Variants in CDK14 observed in about 807,000 individuals in gnomAD.
CDK14 encodes cyclin-dependent kinase 14.
Under a neutral mutation model 60.7 loss-of-function variants are expected in CDK14, and 34 were observed. The observed-to-expected ratio is 0.56, with a 90% CI of 0.43 to 0.75. CDK14 has a LOEUF of 0.75. Ranked by LOEUF, CDK14 falls within the 30% of genes least tolerant of loss-of-function variation. The pLI is 0.00. For missense variants in CDK14, 482 were observed against 564.1 expected, an observed-to-expected ratio of 0.85 and a Z score of 1.47; for synonymous variants, 197 against 203.7, an observed-to-expected ratio of 0.97 and a Z score of 0.28.
intron 2 of CDK14, among the ~76,000 whole-genome samples, chr7:90,635,658 C>G (rs17868526): frequency 0.31 from 46,664 of 151,462 alleles, 8,079 homozygotes; most frequent in East Asian, 0.67. Flanking sequence ...TAGTTTTTTC[C>G]AATTCTGTGA....
intron 10 of CDK14, among the ~76,000 whole-genome samples, chr7:91,008,142 A>C (rs12704585): frequency 0.088 from 12,443 of 141,358 alleles, 1,175 homozygotes; most frequent in Non-Finnish European, 0.12. Context: ...AAAAAAAAAA[A>C]AAACAAACAA....
chr7:90,745,030 A>G (rs762402876), intron 3 of CDK14, among the ~76,000 whole-genome samples: 35 of 151,920 alleles, frequency 2.3e-4, no homozygotes, highest in Non-Finnish European at 4.0e-4. Flanking sequence ...CCTCTCCCCA[A>G]TTTGTTTGGG....
intron 10 of CDK14, among the ~76,000 whole-genome samples, chr7:91,040,986 A>G (rs1227770058): frequency 1.3e-5 from 2 of 152,214 alleles, no homozygotes; most frequent in African/African-American, 4.8e-5. Context: ...TTTGGAGTAG[A>G]TATTTTCACA....
intron 2 of CDK14, among the ~76,000 whole-genome samples, chr7:90,611,574 C>G (rs571348561): frequency 6.6e-6 from 1 of 152,170 alleles, no homozygotes; most frequent in Non-Finnish European, 1.5e-5. Flanking sequence ...CTGTCATATC[C>G]ATTCTCACAG....
At chr7:91,112,711 C>T (rs1348849779) in intron 13 of CDK14, 30 bp downstream of exon 13, 2 of 1,608,366 alleles carry the variant, frequency 1.2e-6, no homozygotes, top group East Asian at 2.2e-5. Flanking sequence ...AACATCCAGT[C>T]CAAGCAGACA....
intron 5 of CDK14, among the ~76,000 whole-genome samples, chr7:90,842,935 C>T (rs1418468650): frequency 6.6e-6 from 1 of 151,604 alleles, no homozygotes; most frequent in African/African-American, 2.4e-5. Context: ...GCCAAACAAC[C>T]TATTGCTAAT....
At chr7:90,772,670 C>T (rs1387247901) in intron 4 of CDK14, among the ~76,000 whole-genome samples, 5 of 152,140 alleles carry the variant, frequency 3.3e-5, no homozygotes, top group Non-Finnish European at 4.4e-5. Context: ...TTTCTTGAGG[C>T]CTCCCCAACC....
At chr7:90,760,716 A>G (rs1804278710) in intron 4 of CDK14, among the ~76,000 whole-genome samples, 1 of 152,218 alleles carries the variant, frequency 6.6e-6, no homozygotes, top group Non-Finnish European at 1.5e-5. Context: ...AATCAGTGTT[A>G]GTTTTATAAT....
intron 11 of CDK14, among the ~76,000 whole-genome samples, chr7:91,070,396 T>A (rs932219053): frequency 6.6e-6 from 1 of 152,222 alleles, no homozygotes; most frequent in Non-Finnish European, 1.5e-5. Flanking sequence ...TTCATGCCTA[T>A]ATTCTCAGCA....
chr7:90,796,326 A>G (rs557248959), intron 5 of CDK14, among the ~76,000 whole-genome samples: 81 of 152,302 alleles, frequency 5.3e-4, no homozygotes, highest in Admixed American at 1.6e-3. Flanking sequence ...CAGATTTGAA[A>G]TTATGGGTTT....
intron 5 of CDK14, among the ~76,000 whole-genome samples, chr7:90,806,239 A>G (rs1370036180): frequency 6.6e-6 from 1 of 152,202 alleles, no homozygotes; most frequent in Non-Finnish European, 1.5e-5. Flanking sequence ...TATTTCATAG[A>G]TATGACAGCA....
chr7:90,643,108 G>A (rs1800378400), intron 2 of CDK14, among the ~76,000 whole-genome samples: 1 of 152,092 alleles, frequency 6.6e-6, no homozygotes, highest in African/African-American at 2.4e-5. Flanking sequence ...AGGAGGGGAG[G>A]TGATATGTAT....
chr7:90,715,719 C>G (rs1802226718), intron 2 of CDK14, among the ~76,000 whole-genome samples: 1 of 135,168 alleles, frequency 7.4e-6, no homozygotes, highest in Non-Finnish European at 1.5e-5. Context: ...GATGAAGAAA[C>G]TAATTAGCCA....
chr7:90,992,064 T>C (rs1795555431), intron 10 of CDK14, among the ~76,000 whole-genome samples: 1 of 152,224 alleles, frequency 6.6e-6, no homozygotes, highest in Non-Finnish European at 1.5e-5. Flanking sequence ...GTGGTTCATG[T>C]GTGGAGACAT....
intron 14 of CDK14, among the ~76,000 whole-genome samples, chr7:91,173,598 T>C (rs920046872): frequency 2.1e-4 from 32 of 152,120 alleles, no homozygotes; most frequent in African/African-American, 7.7e-4. Flanking sequence ...AGTGGGTGCA[T>C]GCACCGTGCG....
intron 5 of CDK14, among the ~76,000 whole-genome samples, chr7:90,801,833 T>A (rs1042540204): frequency 3.9e-5 from 6 of 152,312 alleles, no homozygotes; most frequent in South Asian, 2.1e-4. Context: ...TATATAATCA[T>A]CTTTGGTTAT....
chr7:90,901,680 A>ATG (rs1792510046), intron 7 of CDK14, among the ~76,000 whole-genome samples: 2 of 148,062 alleles, frequency 1.4e-5, no homozygotes, highest in Admixed American at 1.4e-4. Context: ...ATATGTATAT[A>ATG]TATATATATA....
intron 2 of CDK14, among the ~76,000 whole-genome samples, chr7:90,698,774 C>T (rs919226478): frequency 6.6e-6 from 1 of 152,094 alleles, no homozygotes. Context: ...CTAAATTTTC[C>T]TCGTGTGTGC....
In CDK14 at chr7:91,208,565, C is replaced by A. The variant is rs1333987079; in HGVS notation, c.*1429C>A. 2.0e-5 allele frequency: 3 copies of A among 152,200 alleles called. No individual in the cohort carries two copies. Among genetic ancestry groups the A allele is most frequent in the African/African-American group, 7.2e-5 (3 of 41,452 alleles). The allele number at this position is 152,200 out of a possible 1,614,324, so 9.4% of individuals were successfully genotyped here. A position where few individuals can be genotyped will look rare whatever the true frequency, so the allele number is the denominator to read the frequency against. On this transcript the variant is annotated 3_prime_UTR_variant, in exon 15 of 15. Transcript: ENST00000380050. ...CTTTGTGTACAGTGTCTTACATTTT[C>A]CTATTAGTCAGAAAGAAGGAGAGAA...
Sources: allele counts gnomAD v4.1 joint callset (sites outside exome capture counted in the v4.1 genomes callset), GRCh38; gene constraint gnomAD v4.1.1; transcripts MANE v1.5; gene names NCBI Gene and HGNC (gene_info 2026-07-23, HGNC 2026-07-21).